The following EDIL3 variants were observed in gnomAD, a reference collection of about 807,000 sequenced individuals.
The protein encoded by EDIL3 is EGF-like repeat and discoidin I-like domain-containing protein 3.
In EDIL3, 37 loss-of-function variants were observed where a neutral mutation model predicts 67.4. That is an observed-to-expected ratio of 0.55 (90% CI 0.42 to 0.72). The LOEUF is 0.72. Among genes scored for constraint, EDIL3 ranks in the 30% least tolerant of loss-of-function variants. The pLI is 0.00. For missense variants in EDIL3, 527 were observed against 586.3 expected (o/e 0.90, Z 1.04); for synonymous variants, 195 against 196.3 (o/e 0.99, Z 0.05).
At chr5:84,316,324 T>C (rs907028587) in intron 1 of EDIL3, among the ~76,000 whole-genome samples, 3 of 152,072 alleles carry the variant, frequency 2.0e-5, no homozygotes, top group African/African-American at 7.2e-5. Context: ...GCAAACTGGA[T>C]AAAGAGTCAA....
At chr5:84,350,587 A>C (rs2112188488) in intron 1 of EDIL3, among the ~76,000 whole-genome samples, 1 of 152,242 alleles carries the variant, frequency 6.6e-6, no homozygotes, top group South Asian at 2.1e-4. Flanking sequence ...TTAAAATAAC[A>C]AAAAGAATAT....
At chr5:84,312,296 A>C (rs1205050390) in intron 1 of EDIL3, among the ~76,000 whole-genome samples, 3 of 88,494 alleles carry the variant, frequency 3.4e-5, no homozygotes, top group Admixed American at 1.1e-4. Flanking sequence ...TGACCCCCCC[A>C]CCTCCCTCCC....
At chr5:84,080,651 G>C (rs1040822489) in intron 6 of EDIL3, among the ~76,000 whole-genome samples, 13 of 152,010 alleles carry the variant, frequency 8.6e-5, no homozygotes, top group African/African-American at 3.1e-4. Context: ...ACATGAAAAA[G>C]CTTTCTGAAA....
At chr5:84,351,268 A>G (rs1340761846) in intron 1 of EDIL3, among the ~76,000 whole-genome samples, 1 of 152,188 alleles carries the variant, frequency 6.6e-6, no homozygotes, top group Non-Finnish European at 1.5e-5. Flanking sequence ...AATTTATAGC[A>G]TCATTCTTCT....
chr5:84,169,071 A>G (rs1363027751), intron 4 of EDIL3, among the ~76,000 whole-genome samples: 1 of 151,942 alleles, frequency 6.6e-6, no homozygotes, highest in Non-Finnish European at 1.5e-5. Context: ...CCCTGACTTC[A>G]TTCACATCTC....
intron 9 of EDIL3, among the ~76,000 whole-genome samples, chr5:83,980,727 T>C (rs1450432972): frequency 1.4e-5 from 2 of 146,686 alleles, no homozygotes; most frequent in Non-Finnish European, 3.0e-5. Flanking sequence ...TAAATAAAAA[T>C]TAATAAAAAA....
chr5:84,084,922 A>T (rs1449339513), intron 6 of EDIL3, among the ~76,000 whole-genome samples: 2 of 152,240 alleles, frequency 1.3e-5, no homozygotes, highest in African/African-American at 2.4e-5. Flanking sequence ...TCAATTTTTT[A>T]AAAAATCTAC....
chr5:84,353,375 C>T (rs1420553872), intron 1 of EDIL3, among the ~76,000 whole-genome samples: 2 of 152,038 alleles, frequency 1.3e-5, no homozygotes, highest in Non-Finnish European at 2.9e-5. Context: ...ACATCGAATC[C>T]GTAACTTAAA....
At position 84,217,127 on chromosome 5, in the gene EDIL3, A is replaced by T. The variant is rs61709687; in HGVS notation, c.226+12728T>A. Among the ~76,000 whole-genome samples the T allele has an allele frequency of 4.0e-3, 503 of 125,690 alleles. 2 individuals are homozygous for T. Among genetic ancestry groups the T allele is most frequent in the African/African-American group, 0.015 (484 of 31,576 alleles). 82.5% of individuals were successfully genotyped at this position (125,690 alleles called of 152,430 possible). A position where few individuals can be genotyped will look rare whatever the true frequency, so the allele number is the denominator to read the frequency against. The stretch of plus-strand genomic sequence containing the variant: ...CTTATAATATTTAACATTGGAGTAA[A>T]TCCAAGGACAGCCAAAAAAAAAAAA... On this transcript the variant is annotated intron_variant, in intron 3 of 10. Transcript: ENST00000296591.
chr5:84,020,320 G>T (rs1208468183), intron 9 of EDIL3, among the ~76,000 whole-genome samples: 1 of 151,960 alleles, frequency 6.6e-6, no homozygotes, highest in Non-Finnish European at 1.5e-5. Flanking sequence ...AGGAAATATG[G>T]ATTAAGAAGA....
chr5:84,215,531 C>T (rs1434395657), intron 3 of EDIL3, among the ~76,000 whole-genome samples: 7 of 152,148 alleles, frequency 4.6e-5, no homozygotes, highest in South Asian at 2.1e-4. Flanking sequence ...GGATTACAGG[C>T]GTGAGCCACC....
intron 3 of EDIL3, among the ~76,000 whole-genome samples, chr5:84,192,192 C>T (rs185690436): frequency 7.9e-5 from 12 of 151,746 alleles, no homozygotes; most frequent in Admixed American, 7.9e-4. Flanking sequence ...AATGATGCAT[C>T]CAATAAACTA....
intron 9 of EDIL3, among the ~76,000 whole-genome samples, chr5:84,019,902 T>C (rs1745679787): frequency 1.3e-5 from 2 of 152,022 alleles, no homozygotes; most frequent in Non-Finnish European, 2.9e-5. Flanking sequence ...CCAGTAAAAC[T>C]GTCCTGAGAG....
chr5:84,200,494 CA>C (rs1196994105), intron 3 of EDIL3, among the ~76,000 whole-genome samples: 15 of 151,484 alleles, frequency 9.9e-5, no homozygotes, highest in South Asian at 4.2e-4. Context: ...CATAACATAC[CA>C]AAAAAAATTT....
At chr5:84,002,549 A>C (rs1745349081) in intron 9 of EDIL3, among the ~76,000 whole-genome samples, 1 of 152,262 alleles carries the variant, frequency 6.6e-6, no homozygotes, top group Non-Finnish European at 1.5e-5. Context: ...AGACTCCACC[A>C]AAAAGCTATT....
intron 2 of EDIL3, among the ~76,000 whole-genome samples, chr5:84,241,243 T>C (rs1744787784): frequency 6.6e-6 from 1 of 152,234 alleles, no homozygotes; most frequent in Admixed American, 6.5e-5. Flanking sequence ...AGGCTCTCCA[T>C]GAAGGCTCAA....
chr5:84,137,265 A>T lies in EDIL3; in HGVS notation c.445T>A (p.Phe149Ile). ...ANYSCECPGE[F>I]MGRNCQYKCS... ...CTGTATTGACAATTTCTTCCCATAA[A>T]TTCGCCTGGGCACTCACAGGAATAG... The change falls in exon 5 of 11, where the codon TTT (phenylalanine) becomes ATT (isoleucine). Residue 149 changes from phenylalanine (F) to isoleucine (I), a missense_variant. By Grantham distance (21) the Phe-to-Ile change is conservative. This residue lies in a region of EDIL3 where 494 missense variants were observed against 522.5 expected (regional missense o/e 0.95). Coordinates refer to ENST00000296591, the MANE Select transcript of EDIL3 (RefSeq NM_005711.5). 2 of 1,613,398 alleles carry T rather than the reference A, an allele frequency of 1.2e-6. No individual in the cohort carries two copies. Among genetic ancestry groups the T allele is most frequent in the Non-Finnish European group, 1.7e-6 (2 of 1,179,848 alleles).
intron 3 of EDIL3, among the ~76,000 whole-genome samples, chr5:84,228,826 T>C (rs760470553): frequency 7.9e-5 from 12 of 152,114 alleles, no homozygotes; most frequent in Non-Finnish European, 1.5e-4. Context: ...TTGAAGTAAG[T>C]CAGGCCTATG....
intron 9 of EDIL3, among the ~76,000 whole-genome samples, chr5:84,034,754 C>T (rs1327624283): frequency 6.6e-6 from 1 of 152,040 alleles, no homozygotes; most frequent in Non-Finnish European, 1.5e-5. Context: ...ATTCATAGAT[C>T]CAGCTAATAA....
Sources: gnomAD v4.1 joint callset for allele counts (sites outside exome capture counted in the v4.1 genomes callset) on GRCh38, gnomAD v4.1.1 for gene constraint, gnomAD v4.1.1 regional missense constraint, MANE v1.5 for transcripts, NCBI Gene and HGNC (gene_info 2026-07-23, HGNC 2026-07-21) for gene names.